Variants in AGK observed in about 807,000 individuals in gnomAD.
AGK encodes acylglycerol kinase, mitochondrial.
In AGK, 52 loss-of-function variants were observed where a neutral mutation model predicts 66.4. That is an observed-to-expected ratio of 0.78 (90% CI 0.63 to 0.99). The LOEUF is 0.99. AGK is among the 50% of genes least tolerant of loss of function. AGK has a pLI of 0.00. For synonymous variants in AGK, 182 were observed against 181.1 expected, an observed-to-expected ratio of 1.00 and a Z score of -0.04; for missense variants, 451 against 506.6, an observed-to-expected ratio of 0.89 and a Z score of 1.05.
intron 5 of AGK, among the ~76,000 whole-genome samples, chr7:141,610,100 C>T (rs1219249535): frequency 6.6e-6 from 1 of 151,872 alleles, no homozygotes; most frequent in Non-Finnish European, 1.5e-5. Context: ...TCCTGAGTAG[C>T]TAGGATTACA....
chr7:141,608,198 A>G (rs1318710708), intron 5 of AGK, among the ~76,000 whole-genome samples: 1 of 152,226 alleles, frequency 6.6e-6, no homozygotes, highest in African/African-American at 2.4e-5. Flanking sequence ...TCAGATGGCA[A>G]TGAGTGCTAA....
intron 5 of AGK, among the ~76,000 whole-genome samples, chr7:141,609,620 A>G (rs1237637450): frequency 3.3e-5 from 5 of 152,194 alleles, no homozygotes; most frequent in African/African-American, 1.2e-4. Context: ...TTGCTTAGGA[A>G]GGTTCCCTTA....
intron 4 of AGK, among the ~76,000 whole-genome samples, chr7:141,600,626 G>A (rs1192461827): frequency 2.6e-5 from 4 of 152,176 alleles, no homozygotes; most frequent in South Asian, 2.1e-4. Context: ...ATAAGATTTG[G>A]TATTTATTTT....
At chr7:141,646,700 G>A (rs760602489) in intron 13 of AGK, among the ~76,000 whole-genome samples, 8 of 152,004 alleles carry the variant, frequency 5.3e-5, no homozygotes, top group South Asian at 2.1e-4. Flanking sequence ...ATTTTTCCCC[G>A]TTACGTGTGG....
chr7:141,652,893 G>C lies in AGK; in HGVS notation c.1238G>C (p.Arg413Thr). The C allele has an allele frequency of 1.2e-6, 2 of 1,614,102 alleles. No individual in the cohort carries two copies. Among genetic ancestry groups the C allele is most frequent in the African/African-American group, 1.3e-5 (1 of 75,010 alleles). ...KLQFFCDPRK[R>T]EQMLTSPTQ is the part of the protein sequence containing the mutation. ...CAGTTCTTCTGTGATCCTAGGAAGA[G>C]AGAACAGATGCTCACAAGCCCCACC... Residue 413 changes from arginine to threonine, a missense_variant, in exon 16 of 16, where the codon AGA becomes ACA. Arg to Thr is a moderately conservative substitution (Grantham distance 71). Transcript: ENST00000649286.
At chr7:141,648,279 C>T (rs570945739) in intron 13 of AGK, among the ~76,000 whole-genome samples, 8 of 152,314 alleles carry the variant, frequency 5.3e-5, no homozygotes, top group South Asian at 2.1e-4. Flanking sequence ...TCCATCTATT[C>T]CCTCCAGTCT....
At chr7:141,651,876 C>T (rs1797569416) in intron 15 of AGK, among the ~76,000 whole-genome samples, 1 of 152,174 alleles carries the variant, frequency 6.6e-6, no homozygotes, top group Non-Finnish European at 1.5e-5. Context: ...AGTTTTAGGT[C>T]TCCTTTTATT....
intron 2 of AGK, among the ~76,000 whole-genome samples, chr7:141,556,357 A>G (rs1795209839): frequency 6.6e-6 from 1 of 152,124 alleles, no homozygotes; most frequent in East Asian, 1.9e-4. Flanking sequence ...CCTGGCCAAC[A>G]TGGTGAAACC....
chr7:141,597,890 C>CAAAAAAAAAAAAAA (rs56295907), intron 4 of AGK, among the ~76,000 whole-genome samples: 4 of 71,434 alleles, frequency 5.6e-5, no homozygotes, highest in African/African-American at 1.5e-4. Context: ...GACTCTGTCT[C>CAAAAAAAAAAAAAA]AAAAAAAAAA....
chr7:141,584,576 A>G (rs532386146), intron 2 of AGK, among the ~76,000 whole-genome samples: 1 of 152,298 alleles, frequency 6.6e-6, no homozygotes, highest in South Asian at 2.1e-4. Context: ...TGTGTCCTTA[A>G]CCTTGGCAAA....
chr7:141,620,126 G>T (rs1796792809), intron 8 of AGK, among the ~76,000 whole-genome samples: 1 of 152,152 alleles, frequency 6.6e-6, no homozygotes, highest in Non-Finnish European at 1.5e-5. Context: ...TCTGGGAAAG[G>T]CAAAACTCTA....
chr7:141,629,058 A>G (rs1328764585), intron 9 of AGK, among the ~76,000 whole-genome samples: 1 of 152,148 alleles, frequency 6.6e-6, no homozygotes, highest in Admixed American at 6.5e-5. Context: ...GGCTAATTAC[A>G]TGGACTCCTT....
intron 1 of AGK, among the ~76,000 whole-genome samples, chr7:141,552,903 A>G (rs895294372): frequency 1.3e-5 from 2 of 152,038 alleles, no homozygotes; most frequent in Non-Finnish European, 2.9e-5. Flanking sequence ...CCCTTTTTCC[A>G]GTCTCAGCCA....
chr7:141,652,991 C>A lies in AGK; in HGVS notation c.*67C>A. Reference sequence around the variant, plus strand: ...CGGTGGGACCAAAAGGGAACAGGTGCCTCAGCCATCCCAACAGTGTCGTCA... The same window carrying A: ...CGGTGGGACCAAAAGGGAACAGGTGACTCAGCCATCCCAACAGTGTCGTCA... On this transcript the variant is annotated 3_prime_UTR_variant, in exon 16 of 16. Transcript: ENST00000649286. 6.3e-7 allele frequency: 1 copy of A among 1,587,554 alleles called. No homozygotes were observed.
rs761314496 is a variant in AGK, at chr7:141,601,258, G to T, written c.275G>T (p.Gly92Val). ...GCTGCCCCGATTTTACATTTATCTG[G>T]CATGGATGTGACTATTGTTAAGGTA... ...KNAAPILHLS[G>V]MDVTIVKTDY... The change falls in exon 5 of 16, where the codon GGC (glycine) becomes GTC (valine). Residue 92 changes from glycine (G) to valine (V), a missense_variant. Physicochemically the swap from Gly to Val is moderately radical, Grantham distance 109 (BLOSUM62 -3). Transcript: ENST00000649286. 6.2e-7 allele frequency: 1 copy of T among 1,612,714 alleles called. No individual in the cohort carries two copies. Among genetic ancestry groups the T allele is most frequent in the Non-Finnish European group, 8.5e-7 (1 of 1,179,234 alleles).
At chr7:141,564,787 C>T (rs745465032) in intron 2 of AGK, among the ~76,000 whole-genome samples, 7 of 151,850 alleles carry the variant, frequency 4.6e-5, no homozygotes, top group Non-Finnish European at 8.8e-5. Context: ...TGGAGTGCAA[C>T]GGCATGATCT....
chr7:141,637,746 C>G (rs1218607463), intron 11 of AGK, among the ~76,000 whole-genome samples: 1 of 152,130 alleles, frequency 6.6e-6, no homozygotes, highest in Non-Finnish European at 1.5e-5. Flanking sequence ...TGTTAATATT[C>G]AGAGTTATTG....
chr7:141,588,422 C>A (rs138589309), intron 2 of AGK, among the ~76,000 whole-genome samples: 16 of 152,024 alleles, frequency 1.1e-4, no homozygotes, highest in Non-Finnish European at 2.1e-4. Flanking sequence ...GTCAGGAGTT[C>A]GGTTCAAGAT....
At chr7:141,583,088 G>T (rs986957753) in intron 2 of AGK, among the ~76,000 whole-genome samples, 1 of 151,880 alleles carries the variant, frequency 6.6e-6, no homozygotes, top group African/African-American at 2.4e-5. Flanking sequence ...CCCATTTTAC[G>T]ACAAGAATTA....
Sources: allele counts gnomAD v4.1 joint callset (sites outside exome capture counted in the v4.1 genomes callset), GRCh38; gene constraint gnomAD v4.1.1; transcripts MANE v1.5; gene names NCBI Gene and HGNC (gene_info 2026-07-23, HGNC 2026-07-21).